The following LAMC1 variants were observed in gnomAD, a reference collection of about 807,000 sequenced individuals.
The protein encoded by LAMC1 is laminin subunit gamma 1.
LAMC1 carries 38 observed loss-of-function variants against 173.6 expected under a neutral mutation model. The ratio of observed to expected loss-of-function variants is 0.22; its 90% CI spans 0.17 to 0.29. LAMC1 has a LOEUF of 0.29. Among genes scored for constraint, LAMC1 ranks in the 10% least tolerant of loss-of-function variants. The probability of loss-of-function intolerance (pLI) is 1.00; values close to 1 mark genes in which losing one functional copy is unlikely to be tolerated. For synonymous variants in LAMC1, 746 were observed against 749.1 expected (o/e 1.00, Z 0.07); for missense variants, 1,824 against 2,051.8 (o/e 0.89, Z 2.14).
intron 1 of LAMC1, among the ~76,000 whole-genome samples, chr1:183,063,761 C>T (rs965409465): frequency 2.0e-5 from 3 of 152,196 alleles, no homozygotes; most frequent in East Asian, 1.9e-4. Context: ...ATTCATACAT[C>T]GGATGAACTT....
At chr1:183,095,329 TTC>T (rs1253231981) in intron 1 of LAMC1, among the ~76,000 whole-genome samples, 1 of 152,178 alleles carries the variant, frequency 6.6e-6, no homozygotes, top group Non-Finnish European at 1.5e-5. Flanking sequence ...TAATTAGATT[TTC>T]TCTTTTTAAA....
chr1:183,131,421 G>A lies in LAMC1; in HGVS notation c.3566+43G>A, dbSNP rs562657370. On this transcript the variant is annotated intron_variant, in intron 20 of 27. Transcript: ENST00000258341. ...GTTTAATGGTTAAGTTGTGGCTTCT[G>A]TTATGGGGTGTGTGTGTGTGTGTGT... 40 of 1,228,812 alleles carry A rather than the reference G, an allele frequency of 3.3e-5. 1 individual carries two copies. The East Asian group carries it at 3.3e-4, about 10-fold the overall frequency. 76.1% of individuals were successfully genotyped at this position (1,228,812 alleles called of 1,614,324 possible). A position where few individuals can be genotyped will look rare whatever the true frequency, so the allele number is the denominator to read the frequency against.
intron 17 of LAMC1, 41 bp from the exon 18 acceptor site, chr1:183,128,553 G>A (rs1270512492): frequency 1.3e-6 from 2 of 1,563,562 alleles, no homozygotes. Context: ...AGGAATACTT[G>A]TGTGTCCTAC....
At chr1:183,141,296 G>A (rs1571470288) in intron 27 of LAMC1, 1 of 152,226 alleles carries the variant, frequency 6.6e-6, no homozygotes, top group African/African-American at 2.4e-5. Flanking sequence ...GCAACAGAGC[G>A]AAACCCTGTC....
intron 1 of LAMC1, among the ~76,000 whole-genome samples, chr1:183,051,237 C>T (rs192976119): frequency 6.6e-5 from 10 of 152,314 alleles, no homozygotes; most frequent in Admixed American, 2.0e-4. Flanking sequence ...TATGGCAGTT[C>T]TAGGCTTAGC....
At chr1:183,122,973 T>C (rs758249048) in intron 13 of LAMC1, among the ~76,000 whole-genome samples, 3 of 152,178 alleles carry the variant, frequency 2.0e-5, no homozygotes, top group African/African-American at 7.2e-5. Context: ...GCAGTTTCCT[T>C]ACACTCCGTG....
At chr1:183,063,990 C>T (rs1281221248) in intron 1 of LAMC1, among the ~76,000 whole-genome samples, 1 of 152,066 alleles carries the variant, frequency 6.6e-6, no homozygotes, top group East Asian at 1.9e-4. Flanking sequence ...TTTTTATTGA[C>T]AGGCTTTAAG....
Position 183,130,557 on chromosome 1 carries a change from A to T in LAMC1, c.3486+8A>T. 2 of 1,613,004 alleles carry T rather than the reference A, an allele frequency of 1.2e-6. No individual in the cohort carries two copies. The highest frequency in any genetic ancestry group is 1.7e-6 in the Non-Finnish European group (2 of 1,178,954). On this transcript the variant is annotated splice_region_variant and intron_variant, in intron 19 of 27. Transcript: ENST00000258341. The stretch of plus-strand genomic sequence containing the variant: ...GTCGCTGCTGCCAATGTGGTAAGTG[A>T]TTGCAAACGTCTGAGGTGGGGATGG...
chr1:183,056,846 G>A (rs1308778979), intron 1 of LAMC1, among the ~76,000 whole-genome samples: 1 of 152,200 alleles, frequency 6.6e-6, no homozygotes, highest in African/African-American at 2.4e-5. Flanking sequence ...ATGCAGACTT[G>A]TACTTCATGG....
chr1:183,135,134 T>C lies in LAMC1; in HGVS notation c.4092T>C (p.Asn1364=), dbSNP rs1321081480. 2.5e-6 allele frequency: 4 copies of C among 1,612,608 alleles called. No individual in the cohort carries two copies. In the African/African-American group the frequency reaches 4.0e-5, roughly 16 times the overall value. Residue 1364 remains asparagine, a synonymous_variant, in exon 24 of 28, where the codon AAT becomes AAC. Transcript: ENST00000258341. ...KKGRDTLQEA[N]DILNNLKDFD... The stretch of plus-strand genomic sequence containing the variant: ...GACGGGATACCTTACAAGAAGCTAA[T>C]GACATTCTCAACAACCTGAAAGGTA...
In LAMC1 at chr1:183,024,118, C is replaced by T. The variant is rs1464393236; in HGVS notation, c.402C>T (p.Asn134=). The change falls in exon 1 of 28, where the codon AAC becomes AAT. Residue 134 remains asparagine (N), a synonymous_variant. Coordinates refer to ENST00000258341, the MANE Select transcript of LAMC1 (RefSeq NM_002293.4). ...GGGTGCAGTACCCCAGCTCCATCAA[C>T]CTCACGCTGCACCTGGGTAAGCGGT... ...LAGVQYPSSI[N]LTLHLGKAFD... 1.9e-6 allele frequency: 3 copies of T among 1,591,520 alleles called. No homozygotes were observed. The highest frequency in any genetic ancestry group is 1.1e-5 in the South Asian group (1 of 88,042).
At chr1:183,030,753 G>A (rs949785767) in intron 1 of LAMC1, among the ~76,000 whole-genome samples, 3 of 152,070 alleles carry the variant, frequency 2.0e-5, no homozygotes, top group East Asian at 1.9e-4. Context: ...AATCTTAGGC[G>A]AAAACTCATG....
intron 13 of LAMC1, among the ~76,000 whole-genome samples, chr1:183,124,329 A>G (rs757007246): frequency 6.6e-6 from 1 of 152,258 alleles, no homozygotes; most frequent in Non-Finnish European, 1.5e-5. Flanking sequence ...AGAAGTTTAT[A>G]AACCTTGGGC....
rs749229846 is a variant in LAMC1 at position 183,103,456 on chromosome 1, G to A, written c.547G>A (p.Glu183Lys). The change falls in exon 2 of 28, where the codon GAG becomes AAG. Residue 183 changes from glutamate to lysine, a missense_variant. Glu to Lys is a moderately conservative substitution (Grantham distance 56). Coordinates refer to ENST00000258341, the MANE Select transcript of LAMC1 (RefSeq NM_002293.4). Reference protein sequence around the residue: ...IPYQYYSGSCENTYSKANRGF... With the variant: ...IPYQYYSGSCKNTYSKANRGF... Reference sequence around the variant, plus strand: ...TTACCAGTACTACAGTGGTTCCTGTGAGAACACCTACTCCAAGGCAAACCG... The same window carrying A: ...TTACCAGTACTACAGTGGTTCCTGTAAGAACACCTACTCCAAGGCAAACCG... 15 of 1,614,024 alleles carry A rather than the reference G, an allele frequency of 9.3e-6. No individual in the cohort carries two copies. The highest frequency in any genetic ancestry group is 2.7e-5 in the African/African-American group (2 of 74,918).
At chr1:183,108,826 C>T (rs1168654926) in intron 3 of LAMC1, among the ~76,000 whole-genome samples, 1 of 152,166 alleles carries the variant, frequency 6.6e-6, no homozygotes, top group African/African-American at 2.4e-5. Flanking sequence ...CTTGTAATCA[C>T]CTGTTTTTAA....
rs1655159636 is a variant in LAMC1 at position 183,077,817 on chromosome 1, T to G, written c.419-25511T>G. Among the ~76,000 whole-genome samples, 5 of 137,772 alleles carry G rather than the reference T, an allele frequency of 3.6e-5. No individual in the cohort carries two copies. In the South Asian group the frequency reaches 1.2e-3, roughly 32 times the overall value. 90.4% of individuals were successfully genotyped at this position (137,772 alleles called of 152,430 possible). A position where few individuals can be genotyped will look rare whatever the true frequency, so the allele number is the denominator to read the frequency against. On this transcript the variant is annotated intron_variant, in intron 1 of 27. Transcript: ENST00000258341. ...ATATACAGTAGCACAGTTTTTTTAT[T>G]CACTCATTGATTGATGGACATTTGG...
intron 25 of LAMC1, among the ~76,000 whole-genome samples, chr1:183,136,811 C>G (rs1191280975): frequency 6.6e-6 from 1 of 151,938 alleles, no homozygotes; most frequent in Non-Finnish European, 1.5e-5. Flanking sequence ...AAAATTTCTA[C>G]TATGTCTCAG....
intron 14 of LAMC1, 130 bp from the exon 15 acceptor site, chr1:183,125,267 T>C: frequency 1.2e-6 from 1 of 853,526 alleles, no homozygotes. Context: ...TTTAAAGTGC[T>C]CAGTAGCCAC....
In LAMC1 at chr1:183,117,365, C is replaced by T. The variant is rs779702614; in HGVS notation, c.1610C>T (p.Ser537Phe). The change falls in exon 9 of 28, where the codon TCT becomes TTT. Residue 537 changes from serine to phenylalanine, a missense_variant. Physicochemically the swap from Ser to Phe is radical, Grantham distance 155 (BLOSUM62 -2). Transcript: ENST00000258341. The stretch of plus-strand genomic sequence containing the variant: ...GAACAGAGAGATGGCTCTGAAGCAT[C>T]TCTCGAGTGGTCCTCTGAGAGGCAA... ...RAEQRDGSEASLEWSSERQDI... is the reference protein window; with the variant it reads ...RAEQRDGSEAFLEWSSERQDI... 3 of 1,613,536 alleles carry T rather than the reference C, an allele frequency of 1.9e-6. No individual in the cohort carries two copies. The highest frequency in any genetic ancestry group is 2.5e-6 in the Non-Finnish European group (3 of 1,179,476).
Sources: allele counts gnomAD v4.1 joint callset (sites outside exome capture counted in the v4.1 genomes callset), GRCh38; gene constraint gnomAD v4.1.1; transcripts MANE v1.5; gene names NCBI Gene and HGNC (gene_info 2026-07-23, HGNC 2026-07-21).